Variants in HSP90B1 observed in about 807,000 individuals in gnomAD.
The protein encoded by HSP90B1 is heat shock protein 90 beta family member 1, also known as endoplasmin.
Under a neutral mutation model 100.4 loss-of-function variants are expected in HSP90B1, and 27 were observed. That is an observed-to-expected ratio of 0.27 (90% CI 0.20 to 0.37). The LOEUF (loss-of-function observed/expected upper bound fraction) is 0.37. HSP90B1 is among the 10% of genes least tolerant of loss of function. HSP90B1 has a pLI of 1.00. For missense variants in HSP90B1, 678 were observed against 960.5 expected (o/e 0.71, Z 3.89); for synonymous variants, 304 against 330.8 (o/e 0.92, Z 0.88).
Position 103,931,552 on chromosome 12 carries a change from G to C in HSP90B1, c.81G>C (p.Val27=), listed in dbSNP as rs953320984. 197 of 1,613,616 alleles carry C rather than the reference G, an allele frequency of 1.2e-4. No homozygotes were observed. Among genetic ancestry groups the C allele is most frequent in the Non-Finnish European group, 1.6e-4 (194 of 1,179,708 alleles). The change falls in exon 2 of 18, where the codon GTG becomes GTC. Residue 27 remains valine (V), a synonymous_variant. Coordinates refer to ENST00000299767, the MANE Select transcript of HSP90B1 (RefSeq NM_003299.3). The stretch of plus-strand genomic sequence containing the variant: ...TCAGAGCTGACGATGAAGTTGATGT[G>C]GATGGTACAGTAGAAGAGGATCTGG... The part of the protein sequence containing the change: ...GSVRADDEVD[V]DGTVEEDLGK...
Position 103,946,788 on chromosome 12 carries a change from A to G in HSP90B1, c.2109A>G (p.Glu703=). The change falls in exon 16 of 18, where the codon GAA becomes GAG. Residue 703 remains glutamate (E), a splice_region_variant and synonymous_variant. Coordinates refer to ENST00000299767, the MANE Select transcript of HSP90B1 (RefSeq NM_003299.3). Reference sequence around the variant, plus strand: ...TAGTGCATCTTCTTGCATTTCAGGAAGATGAAGATGATAAAACAGTTTTGG... The same window carrying G: ...TAGTGCATCTTCTTGCATTTCAGGAGGATGAAGATGATAAAACAGTTTTGG... The part of the protein sequence containing the change: ...LIRDMLRRIK[E]DEDDKTVLDL... The G allele has an allele frequency of 6.2e-7, 1 of 1,613,948 alleles. No homozygotes were observed. The highest frequency in any genetic ancestry group is 2.2e-5 in the East Asian group (1 of 44,884).
At chr12:103,938,575 C>A in intron 7 of HSP90B1, 116 bp downstream of exon 7, 1 of 1,135,474 alleles carries the variant, frequency 8.8e-7, no homozygotes, top group Non-Finnish European at 1.2e-6. Flanking sequence ...GTGCTAAGTC[C>A]ATGGAGCCAG....
intron 14 of HSP90B1, among the ~76,000 whole-genome samples, chr12:103,944,204 A>G (rs2136217130): frequency 6.6e-6 from 1 of 152,300 alleles, no homozygotes; most frequent in African/African-American, 2.4e-5. Context: ...TAATAGCTGC[A>G]CGAGGTTAAT....
In HSP90B1 at chr12:103,943,769, C is replaced by T. The variant is rs1332303824; in HGVS notation, c.1922C>T (p.Thr641Ile). 1 of 1,614,008 alleles carries T rather than the reference C, an allele frequency of 6.2e-7. No homozygotes were observed. Among genetic ancestry groups the T allele is most frequent in the Admixed American group, 1.7e-5 (1 of 59,958 alleles). The change falls in exon 14 of 18, where the codon ACA becomes ATA. Residue 641 changes from threonine (T) to isoleucine (I), a missense_variant. Around this residue, in one of 8 missense-constraint regions of HSP90B1, gnomAD observed 170 missense variants for 236.7 expected, o/e 0.72. Transcript: ENST00000299767. This position sits in a 1 kb window ranked among gnomAD's most constrained non-coding sequence, Gnocchi z 5.3. ...AAGGCTGTGGTGTCTCAGCGCCTGA[C>T]AGAATCTCCGTGTGCTTTGGTGGCC... ...IEKAVVSQRL[T>I]ESPCALVASQ...
intron 2 of HSP90B1, 23 bp downstream of exon 2, chr12:103,931,646 G>T: frequency 6.6e-7 from 1 of 1,520,982 alleles, no homozygotes; most frequent in Non-Finnish European, 9.1e-7. Flanking sequence ...TTGAACTTAC[G>T]TATACAGATA....
intron 1 of HSP90B1, among the ~76,000 whole-genome samples, chr12:103,931,186 G>A (rs1869746097): frequency 6.6e-6 from 1 of 152,212 alleles, no homozygotes; most frequent in South Asian, 2.1e-4. Context: ...GGCTTGATCA[G>A]TTGGGAGGCC....
chr12:103,946,982 CTT>C (rs1870254725), intron 16 of HSP90B1, 41 bp downstream of exon 16: 2 of 1,585,768 alleles, frequency 1.3e-6, no homozygotes, highest in African/African-American at 2.7e-5. Context: ...GGCTGGCTTT[CTT>C]TGTTTCTGTT....
At position 103,930,584 on chromosome 12, in the gene HSP90B1, C is replaced by G; in HGVS notation, c.49+20C>G. 6.2e-7 allele frequency: 1 copy of G among 1,601,226 alleles called. No homozygotes were observed. Among genetic ancestry groups the G allele is most frequent in the Non-Finnish European group, 8.5e-7 (1 of 1,174,782 alleles). The stretch of plus-strand genomic sequence containing the variant: ...CCTTCGGTGAGTGATTCTGGAGGAG[C>G]AGACGTCCCCCCTCCACACACGCGG... On this transcript the variant is annotated intron_variant, in intron 1 of 17. Coordinates refer to ENST00000299767, the MANE Select transcript of HSP90B1 (RefSeq NM_003299.3). This position sits in a 1 kb window ranked among gnomAD's most constrained non-coding sequence, Gnocchi z 4.4.
At chr12:103,940,669 CAT>C (rs1250908230) in intron 8 of HSP90B1, among the ~76,000 whole-genome samples, 1 of 151,982 alleles carries the variant, frequency 6.6e-6, no homozygotes, top group Non-Finnish European at 1.5e-5. Flanking sequence ...GTGAGCCACA[CAT>C]GATTTGAAAT....
At chr12:103,944,569 T>C (rs530576903) in intron 14 of HSP90B1, among the ~76,000 whole-genome samples, 96 of 151,676 alleles carry the variant, frequency 6.3e-4, no homozygotes, top group African/African-American at 1.7e-3. Flanking sequence ...TTTTTTTTTT[T>C]CCCCCGAGAC....
In HSP90B1 at chr12:103,943,107, A is replaced by G; in HGVS notation, c.1678A>G (p.Lys560Glu). The G allele has an allele frequency of 6.2e-7, 1 of 1,613,956 alleles. No individual in the cohort carries two copies. The highest frequency in any genetic ancestry group is 8.5e-7 in the Non-Finnish European group (1 of 1,179,898). The stretch of plus-strand genomic sequence containing the variant: ...TTCTCCATTTGTTGAGCGACTTCTG[A>G]AAAAGGGCTATGAAGTTATTTACCT... ...ESSPFVERLL[K>E]KGYEVIYLTE... Residue 560 changes from lysine to glutamate, a missense_variant, in exon 13 of 18, where the codon AAA (lysine) becomes GAA (glutamate). Physicochemically the swap from Lys to Glu is moderately conservative, Grantham distance 56. Around this residue, in one of 8 missense-constraint regions of HSP90B1, gnomAD observed 170 missense variants for 236.7 expected, o/e 0.72. Transcript: ENST00000299767. This position sits in a 1 kb window ranked among gnomAD's most constrained non-coding sequence, Gnocchi z 5.3.
chr12:103,943,746 G>C lies in HSP90B1; in HGVS notation c.1899G>C (p.Lys633Asn), dbSNP rs1343337431. The part of the protein sequence containing the change: ...KDKALKDKIE[K>N]AVVSQRLTES... ...TGATTTCTTTCCCTAAGATTGAAAA[G>C]GCTGTGGTGTCTCAGCGCCTGACAG... Residue 633 changes from lysine to asparagine, a missense_variant, in exon 14 of 18, where the codon AAG (lysine) becomes AAC (asparagine). Lys to Asn is a moderately conservative substitution (Grantham distance 94). Coordinates refer to ENST00000299767, the MANE Select transcript of HSP90B1 (RefSeq NM_003299.3). This position sits in a 1 kb window ranked among gnomAD's most constrained non-coding sequence, Gnocchi z 5.3. The C allele has an allele frequency of 1.2e-6, 2 of 1,613,228 alleles. No homozygotes were observed. The highest frequency in any genetic ancestry group is 1.1e-5 in the South Asian group (1 of 90,954).
At chr12:103,939,279 T>G (rs1870010010) in intron 7 of HSP90B1, among the ~76,000 whole-genome samples, 1 of 48,310 alleles carries the variant, frequency 2.1e-5, no homozygotes, top group African/African-American at 7.7e-5. Context: ...TTTAAAAATT[T>G]TTTGTATAGT....
At position 103,933,993 on chromosome 12, in the gene HSP90B1, C is replaced by T; in HGVS notation, c.449C>T (p.Thr150Ile). ...KEKNLLHVTD[T>I]GVGMTREELV... is the part of the protein sequence containing the mutation. ...AAGAACCTGCTGCATGTCACAGACA[C>T]CGGTGTAGGAATGACCAGAGAAGAG... Residue 150 changes from threonine to isoleucine, a missense_variant, in exon 5 of 18, where the codon ACC (threonine) becomes ATC (isoleucine). Physicochemically the swap from Thr to Ile is moderately conservative, Grantham distance 89. Transcript: ENST00000299767. 6.2e-7 allele frequency: 1 copy of T among 1,614,108 alleles called. No individual in the cohort carries two copies. The highest frequency in any genetic ancestry group is 8.5e-7 in the Non-Finnish European group (1 of 1,179,952).
intron 7 of HSP90B1, 198 bp downstream of exon 7, chr12:103,938,657 G>T: frequency 2.4e-6 from 1 of 411,134 alleles, no homozygotes; most frequent in Non-Finnish European, 4.3e-6. Flanking sequence ...TCAAACCCAG[G>T]TCATTTTTAT....
chr12:103,937,829 C>A, intron 6 of HSP90B1, 23 bp downstream of exon 6: 1 of 1,175,736 alleles, frequency 8.5e-7, no homozygotes, highest in Non-Finnish European at 1.3e-6. Flanking sequence ...TGATTAAAAA[C>A]TTATATGTAT....
rs1870088853 is a variant in HSP90B1, at chr12:103,941,845, A to G, written c.1322A>G (p.Asp441Gly). The G allele has an allele frequency of 6.2e-7, 1 of 1,613,688 alleles. No homozygotes were observed. The highest frequency in any genetic ancestry group is 1.7e-5 in the Admixed American group (1 of 59,986). ...TGCCATCTGAAGGTGGACTCAGATG[A>G]TCTCCCCTTGAATGTTTCCCGCGAG... is the stretch of plus-strand genomic sequence containing the variant. Reference protein sequence around the residue: ...NFVKGVVDSDDLPLNVSRETL... With the variant: ...NFVKGVVDSDGLPLNVSRETL... The change falls in exon 11 of 18, where the codon GAT (aspartate) becomes GGT (glycine). Residue 441 changes from aspartate to glycine, a missense_variant. By Grantham distance (94) the Asp-to-Gly change is moderately conservative (BLOSUM62 -1). Coordinates refer to ENST00000299767, the MANE Select transcript of HSP90B1 (RefSeq NM_003299.3).
In HSP90B1 at chr12:103,938,341, C is replaced by A; in HGVS notation, c.857C>A (p.Thr286Asn). 6.5e-7 allele frequency: 1 copy of A among 1,544,716 alleles called. No homozygotes were observed. The highest frequency in any genetic ancestry group is 8.7e-7 in the Non-Finnish European group (1 of 1,143,234). ...ACCATAATTCTCTTATTTCAACAGA[C>A]TGAAACTGTTGAGGAGCCCATGGAG... ...NFPIYVWSSK[T>N]ETVEEPMEEE... Residue 286 changes from threonine to asparagine, a missense_variant and splice_region_variant, in exon 7 of 18, where the codon ACT becomes AAT. Physicochemically the swap from Thr to Asn is moderately conservative, Grantham distance 65 (BLOSUM62 0). Around this residue, in one of 8 missense-constraint regions of HSP90B1, gnomAD observed 238 missense variants for 346.7 expected, o/e 0.69. Coordinates refer to ENST00000299767, the MANE Select transcript of HSP90B1 (RefSeq NM_003299.3).
In HSP90B1 at chr12:103,932,919, G is replaced by A; in HGVS notation, c.388G>A (p.Glu130Lys). Residue 130 changes from glutamate (E) to lysine (K), a missense_variant, in exon 4 of 18, where the codon GAG becomes AAG. This residue lies in a region of HSP90B1 where 238 missense variants were observed against 346.7 expected (regional missense o/e 0.69). Coordinates refer to ENST00000299767, the MANE Select transcript of HSP90B1 (RefSeq NM_003299.3). The part of the protein sequence containing the change: ...LTDENALSGN[E>K]ELTVKIKCDK... ...TGATGAAAATGCTCTTTCTGGAAATGAGGAACTAACAGTCAAAATTAAGGT... is the reference window on the plus strand; with the variant it reads ...TGATGAAAATGCTCTTTCTGGAAATAAGGAACTAACAGTCAAAATTAAGGT... 1 of 1,572,892 alleles carries A rather than the reference G, an allele frequency of 6.4e-7. No homozygotes were observed. The highest frequency in any genetic ancestry group is 8.8e-7 in the Non-Finnish European group (1 of 1,142,758).
Sources: allele counts gnomAD v4.1 joint callset (sites outside exome capture counted in the v4.1 genomes callset), GRCh38; gene constraint gnomAD v4.1.1; regional missense constraint gnomAD v4.1.1; non-coding constraint Gnocchi (gnomAD v3.1); transcripts MANE v1.5; gene names NCBI Gene and HGNC (gene_info 2026-07-23, HGNC 2026-07-21).